Variants in DLC1 observed in about 807,000 individuals in gnomAD.
The protein encoded by DLC1 is DLC1 Rho GTPase activating protein.
In DLC1, 54 loss-of-function variants were observed where a neutral mutation model predicts 140.3. The observed-to-expected ratio is 0.38, with a 90% CI of 0.31 to 0.48. DLC1 has a LOEUF of 0.48. Among genes scored for constraint, DLC1 ranks in the 20% least tolerant of loss-of-function variants. The pLI is 0.96. For missense variants in DLC1, 2,536 were observed against 1,907.0 expected, an observed-to-expected ratio of 1.33 and a Z score of -6.14; for synonymous variants, 986 against 728.1, an observed-to-expected ratio of 1.35 and a Z score of -5.70.
At chr8:13,574,381 C>T (rs111894821) in intron 1 of DLC1, among the ~76,000 whole-genome samples, 11,502 of 152,072 alleles carry the variant, frequency 0.076, 563 homozygotes, top group African/African-American at 0.12. Flanking sequence ...AAATTCTTAA[C>T]GCTCAAACTT....
At chr8:13,350,960 T>C (rs920373259) in intron 4 of DLC1, among the ~76,000 whole-genome samples, 4 of 152,210 alleles carry the variant, frequency 2.6e-5, no homozygotes, top group Non-Finnish European at 5.9e-5. Context: ...AAATCTCTGA[T>C]GAAATTCATG....
chr8:13,125,567 G>A (rs1214709610), intron 5 of DLC1, among the ~76,000 whole-genome samples: 3 of 152,118 alleles, frequency 2.0e-5, no homozygotes, highest in Non-Finnish European at 4.4e-5. Flanking sequence ...GAGGAAGCTG[G>A]TACAGAATTG....
At chr8:13,114,785 G>A (rs569162944) in intron 6 of DLC1, among the ~76,000 whole-genome samples, 1 of 152,262 alleles carries the variant, frequency 6.6e-6, no homozygotes, top group African/African-American at 2.4e-5. Context: ...TAGGGAAATG[G>A]CAGTCAAAAT....
chr8:13,227,647 C>T (rs779187747), intron 5 of DLC1, among the ~76,000 whole-genome samples: 9 of 152,030 alleles, frequency 5.9e-5, no homozygotes, highest in Non-Finnish European at 1.2e-4. Flanking sequence ...ACTGTGTGAC[C>T]GTAGACCCTA....
At chr8:13,184,379 A>C (rs180679199) in intron 5 of DLC1, among the ~76,000 whole-genome samples, 2,645 of 151,976 alleles carry the variant, frequency 0.017, 71 homozygotes, top group African/African-American at 0.06. Context: ...TAGTTCTTTT[A>C]ATTGTGATGT....
chr8:13,133,064 C>A, intron 5 of DLC1: 1 of 1,555,164 alleles, frequency 6.4e-7, no homozygotes, highest in East Asian at 2.4e-5. Flanking sequence ...GGACCCACGG[C>A]GGCACCCGAG....
At chr8:13,442,260 A>T (rs1175212037) in intron 2 of DLC1, among the ~76,000 whole-genome samples, 2 of 152,188 alleles carry the variant, frequency 1.3e-5, no homozygotes, top group African/African-American at 4.8e-5. Context: ...CCTAGAAGAA[A>T]ACCTGTGCAA....
chr8:13,278,666 C>T (rs1831258934), intron 5 of DLC1, among the ~76,000 whole-genome samples: 1 of 152,150 alleles, frequency 6.6e-6, no homozygotes, highest in Admixed American at 6.5e-5. Context: ...GTTAGGGACA[C>T]ACAGTCACTC....
chr8:13,243,118 C>T (rs1345139498), intron 5 of DLC1, among the ~76,000 whole-genome samples: 5 of 151,748 alleles, frequency 3.3e-5, no homozygotes, highest in African/African-American at 1.2e-4. Flanking sequence ...GGCAAAAACC[C>T]ATCTCTACTA....
intron 4 of DLC1, among the ~76,000 whole-genome samples, chr8:13,349,939 C>T (rs991384170): frequency 3.3e-5 from 5 of 152,124 alleles, no homozygotes; most frequent in Admixed American, 6.5e-5. Context: ...CTTTTTCCTC[C>T]GACTTCAGTC....
chr8:13,261,170 A>G (rs969046387), intron 5 of DLC1, among the ~76,000 whole-genome samples: 2 of 152,190 alleles, frequency 1.3e-5, no homozygotes, highest in Non-Finnish European at 2.9e-5. Flanking sequence ...GTGGATCGCA[A>G]TTGGTTCAGA....
chr8:13,186,087 T>G (rs1374167604), intron 5 of DLC1, among the ~76,000 whole-genome samples: 3 of 152,116 alleles, frequency 2.0e-5, no homozygotes, highest in African/African-American at 7.2e-5. Context: ...AACGCTTTTT[T>G]CTGCATTTCA....
At chr8:13,327,472 ATTTT>A in intron 4 of DLC1, among the ~76,000 whole-genome samples, 1 of 103,612 alleles carries the variant, frequency 9.7e-6, no homozygotes, top group South Asian at 3.0e-4. Context: ...TATTTCTGGC[ATTTT>A]TTTTTCTTTG....
At chr8:13,564,606 A>G (rs1219370910) in intron 1 of DLC1, among the ~76,000 whole-genome samples, 4 of 152,134 alleles carry the variant, frequency 2.6e-5, no homozygotes, top group Admixed American at 1.3e-4. Context: ...CTGGGGGGAG[A>G]ATTGCTTGCC....
chr8:13,421,094 C>G (rs1048269152), intron 2 of DLC1, among the ~76,000 whole-genome samples: 54 of 152,250 alleles, frequency 3.5e-4, no homozygotes, highest in Non-Finnish European at 6.3e-4. Flanking sequence ...CCTCGTTAAT[C>G]TTTTCTTAAC....
chr8:13,172,197 A>G (rs909711681), intron 5 of DLC1, among the ~76,000 whole-genome samples: 1 of 152,238 alleles, frequency 6.6e-6, no homozygotes, highest in African/African-American at 2.4e-5. Context: ...TTTAAGAGCT[A>G]TCTGCTAGCC....
At chr8:13,559,650 A>G (rs903970610) in intron 1 of DLC1, among the ~76,000 whole-genome samples, 1 of 152,224 alleles carries the variant, frequency 6.6e-6, no homozygotes, top group African/African-American at 2.4e-5. Flanking sequence ...GATGCTGAGT[A>G]GTGGAAAAAT....
intron 5 of DLC1, among the ~76,000 whole-genome samples, chr8:13,254,746 T>C (rs1408015123): frequency 6.6e-6 from 1 of 151,806 alleles, no homozygotes; most frequent in East Asian, 1.9e-4. Context: ...ATTTCTGACT[T>C]ACTCAATAGA....
At chr8:13,206,946 A>C (rs1827695325) in intron 5 of DLC1, among the ~76,000 whole-genome samples, 1 of 151,222 alleles carries the variant, frequency 6.6e-6, no homozygotes. Context: ...CTGAGAATAC[A>C]TTTTTTTAAA....
Sources: allele counts gnomAD v4.1 joint callset (sites outside exome capture counted in the v4.1 genomes callset), GRCh38; gene constraint gnomAD v4.1.1; transcripts MANE v1.5; gene names NCBI Gene and HGNC (gene_info 2026-07-23, HGNC 2026-07-21).